The following NCOR2 variants were observed in gnomAD, a reference collection of about 807,000 sequenced individuals.
The protein encoded by NCOR2 is nuclear receptor corepressor 2, also known as CTG repeat protein 26.
NCOR2 carries 81 observed loss-of-function variants against 262.9 expected under a neutral mutation model. The observed-to-expected ratio is 0.31, with a 90% CI of 0.26 to 0.37. The LOEUF is 0.37. NCOR2 is among the 10% of genes least tolerant of loss of function. The pLI, the probability that NCOR2 is intolerant of heterozygous loss-of-function variation, is 1.00. For missense variants in NCOR2, 3,385 were observed against 3,621.4 expected (o/e 0.93, Z 1.68); for synonymous variants, 1,659 against 1,559.3 (o/e 1.06, Z -1.51).
At chr12:124,496,263 C>T (rs7306073), upstream of NCOR2, among the ~76,000 whole-genome samples, 109,969 of 149,828 alleles carry the variant, frequency 0.73, 40,876 homozygotes, top group East Asian at 0.99. This position sits in a 1 kb window ranked among gnomAD's most constrained non-coding sequence, Gnocchi z 4.4. Flanking sequence ...CCCCTTCCTC[C>T]GCCAGCCACA....
intron 46 of NCOR2, 137 bp downstream of exon 48, chr12:124,326,054 T>C (rs2034609933): frequency 1.0e-6 from 1 of 989,890 alleles, no homozygotes; most frequent in Non-Finnish European, 1.4e-6. Context: ...CCCAGGCCCC[T>C]GGACAGCGTT....
At chr12:124,392,649 G>A (rs953807160) in intron 16 of NCOR2, among the ~76,000 whole-genome samples, 51 of 152,254 alleles carry the variant, frequency 3.3e-4, no homozygotes, top group Admixed American at 1.9e-3. Flanking sequence ...AGAGCACACA[G>A]GCGCTCCTCT....
exon 41 of NCOR2, chr12:124,334,463 G>T (rs774314459): frequency 4.7e-6 from 7 of 1,491,564 alleles, no homozygotes; most frequent in Non-Finnish European, 6.2e-6. Flanking sequence ...ACGGGCCGGG[G>T]CACCATGGTC....
intron 1 of NCOR2, among the ~76,000 whole-genome samples, chr12:124,506,686 C>A (rs146327342): frequency 1.4e-3 from 209 of 152,244 alleles, no homozygotes; most frequent in African/African-American, 4.9e-3. Context: ...CCAGGAGGGA[C>A]GTGTTTTCCA....
chr12:124,426,423 T>C (rs1225619289), intron 11 of NCOR2, among the ~76,000 whole-genome samples, 199 bp downstream of exon 13: 1 of 152,202 alleles, frequency 6.6e-6, no homozygotes, highest in Non-Finnish European at 1.5e-5. Context: ...AGGCTCTCCC[T>C]TACGGCCCCC....
exon 10 of NCOR2, chr12:124,429,619 C>T (rs199934660): frequency 8.1e-6 from 13 of 1,603,480 alleles, no homozygotes; most frequent in Non-Finnish European, 1.1e-5. Context: ...TCACCTCCTG[C>T]TCTGAGAGGC....
chr12:124,386,702 T>G (rs914391402), intron 16 of NCOR2, among the ~76,000 whole-genome samples: 1 of 152,312 alleles, frequency 6.6e-6, no homozygotes, highest in African/African-American at 2.4e-5. Flanking sequence ...CCCCAGGTTC[T>G]AGTTTCAAGG....
At chr12:124,426,100 G>A (rs1383953187) in intron 11 of NCOR2, among the ~76,000 whole-genome samples, 1 of 152,200 alleles carries the variant, frequency 6.6e-6, no homozygotes, top group African/African-American at 2.4e-5. Flanking sequence ...GACTCGCAGT[G>A]CCCCGTCTTA....
At chr12:124,499,513 G>A (rs1428642312), upstream of NCOR2, among the ~76,000 whole-genome samples, 1 of 152,236 alleles carries the variant, frequency 6.6e-6, no homozygotes, top group African/African-American at 2.4e-5. Flanking sequence ...AGGGGATGGA[G>A]AGTGCTCCAG....
intron 13 of NCOR2, 114 bp from the exon 16 acceptor site, chr12:124,402,675 G>C: frequency 1.3e-6 from 2 of 1,516,432 alleles, no homozygotes; most frequent in South Asian, 2.4e-5. Context: ...AAAACCCGTG[G>C]AGTCCACCCA....
intron 1 of NCOR2, among the ~76,000 whole-genome samples, chr12:124,565,299 C>T (rs2052200141): frequency 6.6e-6 from 1 of 152,146 alleles, no homozygotes; most frequent in Admixed American, 6.5e-5. Flanking sequence ...CACCCGCTGG[C>T]GGTGGCAGCA....
chr12:124,465,197 C>T (rs1205018632), intron 5 of NCOR2, among the ~76,000 whole-genome samples: 1 of 152,044 alleles, frequency 6.6e-6, no homozygotes. Flanking sequence ...CCAGAGAAGC[C>T]AAGGCAGGGA....
chr12:124,492,793 A>C (rs2048164352), intron 1 of NCOR2, among the ~76,000 whole-genome samples: 1 of 152,208 alleles, frequency 6.6e-6, no homozygotes, highest in South Asian at 2.1e-4. Context: ...TCCAACCCAC[A>C]GCAAGAAAGC....
chr12:124,337,073 G>C (rs1428338459), exon 38 of NCOR2: 1 of 1,485,450 alleles, frequency 6.7e-7, no homozygotes, highest in African/African-American at 1.4e-5. Flanking sequence ...CAGCAAGACG[G>C]GCTCCATGAG....
exon 41 of NCOR2, chr12:124,334,447 G>T: frequency 6.7e-7 from 1 of 1,501,022 alleles, no homozygotes; most frequent in Non-Finnish European, 8.9e-7. Context: ...CGCTGTGGGG[G>T]GAGCCACGGG....
At chr12:124,353,071 TG>T (rs2037637779) in intron 27 of NCOR2, among the ~76,000 whole-genome samples, 1 of 152,240 alleles carries the variant, frequency 6.6e-6, no homozygotes. Flanking sequence ...TCACATGTTT[TG>T]GCAGCTGGCT....
At chr12:124,468,981 CCCTCAT>C (rs1387680107) in intron 4 of NCOR2, among the ~76,000 whole-genome samples, 11 of 93,290 alleles carry the variant, frequency 1.2e-4, no homozygotes, top group Admixed American at 2.2e-4. Flanking sequence ...ACCCCCATCA[CCCTCAT>C]CCTCATCACC....
chr12:124,483,586 C>G lies in NCOR2; in HGVS notation c.411+10G>C. On this transcript the variant is annotated intron_variant, in intron 3 of 46. Coordinates refer to ENST00000405201, the Ensembl canonical transcript of NCOR2. This position sits in a 1 kb window ranked among gnomAD's most constrained non-coding sequence, Gnocchi z 6.3. ...GGGAGAGGAGCTCCCAGCTGGGGGC[C>G]CAGGCTTACCTTGGTGAGGTCTTCA... 1.3e-6 allele frequency: 2 copies of G among 1,569,730 alleles called. No individual in the cohort carries two copies. Among genetic ancestry groups the G allele is most frequent in the Non-Finnish European group, 1.7e-6 (2 of 1,158,920 alleles).
chr12:124,439,379 AGACAGAGACCCAGAGACAGAGG>A, intron 7 of NCOR2, among the ~76,000 whole-genome samples: 3 of 152,092 alleles, frequency 2.0e-5, no homozygotes, highest in African/African-American at 4.8e-5. Flanking sequence ...AGACAGAGGG[AGACAGAGACCCAGAGACAGAGG>A]GAGACAGAGA....
Sources: allele counts gnomAD v4.1 joint callset (sites outside exome capture counted in the v4.1 genomes callset), GRCh38; gene constraint gnomAD v4.1.1; non-coding constraint Gnocchi (gnomAD v3.1); transcripts MANE v1.5; gene names NCBI Gene and HGNC (gene_info 2026-07-23, HGNC 2026-07-21).